MTMR3: variants seen among roughly 807,000 people sequenced by gnomAD.
MTMR3 encodes myotubularin related protein 3, also known as phosphatidylinositol-3,5-bisphosphate 3-phosphatase MTMR3.
In MTMR3, 32 loss-of-function variants were observed where a neutral mutation model predicts 132.4. The observed-to-expected ratio is 0.24, with a 90% CI of 0.18 to 0.32. The LOEUF is 0.32. Among genes scored for constraint, MTMR3 ranks in the 10% least tolerant of loss-of-function variants. MTMR3 has a pLI of 1.00. For synonymous variants in MTMR3, 556 were observed against 550.3 expected (o/e 1.01, Z -0.14); for missense variants, 1,216 against 1,489.6 (o/e 0.82, Z 3.02).
At chr22:30,001,378 G>C (rs987534305) in intron 8 of MTMR3, 1 of 152,426 alleles carries the variant, frequency 6.6e-6, no homozygotes. Context: ...GCGACAGAGC[G>C]AGACTCCATC....
rs1007438238 is a variant in MTMR3 at position 30,007,449 on chromosome 22, G to A, written c.877+130G>A. The A allele has an allele frequency of 3.9e-5, 35 of 905,464 alleles. No homozygotes were observed. In the African/African-American group the frequency reaches 4.3e-4, roughly 11 times the overall value. 56.1% of individuals were successfully genotyped at this position (905,464 alleles called of 1,614,324 possible). ...GAATGTGCAGAGCTTCACTTGATGG[G>A]ATTGATTGAGGAGTCATGGGTCTTG... is the stretch of plus-strand genomic sequence containing the variant. On this transcript the variant is annotated intron_variant, in intron 10 of 19. Transcript: ENST00000401950.
At chr22:29,961,721 C>G (rs764382814) in intron 2 of MTMR3, among the ~76,000 whole-genome samples, 41 of 152,144 alleles carry the variant, frequency 2.7e-4, no homozygotes, top group Non-Finnish European at 5.3e-4. Flanking sequence ...CAGTAATGTC[C>G]TAGGCCTTCA....
chr22:30,018,810 A>G (rs2067667975), intron 16 of MTMR3: 1 of 152,236 alleles, frequency 6.6e-6, no homozygotes, highest in Non-Finnish European at 1.5e-5. Flanking sequence ...AGACTGATAG[A>G]TAATACATTA....
At chr22:29,888,768 C>CTTTTTTTTTTTTTTTTTTTTTTTTTTT (rs3049983) in intron 1 of MTMR3, among the ~76,000 whole-genome samples, 2 of 101,880 alleles carry the variant, frequency 2.0e-5, no homozygotes, top group Non-Finnish European at 3.8e-5. Context: ...TTAGTTAATA[C>CTTTTTTTTTTTTTTTTTTTTTTTTTTT]TTTTTTTTTT....
chr22:29,911,758 T>G (rs2065217989), intron 1 of MTMR3, among the ~76,000 whole-genome samples: 1 of 152,206 alleles, frequency 6.6e-6, no homozygotes, highest in Middle Eastern at 3.4e-3. Flanking sequence ...TCAGGATCAG[T>G]GGAGTGAAAA....
intron 1 of MTMR3, among the ~76,000 whole-genome samples, chr22:29,890,373 CG>C (rs2064772458): frequency 6.6e-6 from 1 of 150,676 alleles, no homozygotes; most frequent in African/African-American, 2.4e-5. Flanking sequence ...AAAAATCAGT[CG>C]GGTGTGGTGG....
chr22:29,992,769 T>G (rs737909), intron 7 of MTMR3: 111,833 of 152,128 alleles, frequency 0.74, 41,265 homozygotes, highest in East Asian at 0.91. Flanking sequence ...TGCTATGCTT[T>G]TGTTACTTTG....
At chr22:29,939,621 A>AC (rs1163059864) in intron 1 of MTMR3, among the ~76,000 whole-genome samples, 1 of 152,202 alleles carries the variant, frequency 6.6e-6, no homozygotes, top group South Asian at 2.1e-4. Context: ...GACCTTAGTG[A>AC]CTTTCTATAT....
intron 17 of MTMR3, chr22:30,021,188 TGAAC>T: frequency 5.1e-6 from 2 of 393,768 alleles, no homozygotes; most frequent in Non-Finnish European, 9.3e-6. Context: ...CAGAAGGGCT[TGAAC>T]CCATGGGCAG....
chr22:29,907,018 A>C (rs574105169), intron 1 of MTMR3, among the ~76,000 whole-genome samples: 1 of 152,126 alleles, frequency 6.6e-6, no homozygotes, highest in Admixed American at 6.5e-5. Context: ...CGGAGGTTGC[A>C]GTGAGCTGAG....
At chr22:29,962,716 T>C (rs1381043948) in intron 2 of MTMR3, among the ~76,000 whole-genome samples, 2 of 152,098 alleles carry the variant, frequency 1.3e-5, no homozygotes, top group Non-Finnish European at 2.9e-5. Context: ...TCAACCTCTC[T>C]TACCGTCGGT....
chr22:29,894,486 C>T (rs748531844), intron 1 of MTMR3, among the ~76,000 whole-genome samples: 2 of 147,578 alleles, frequency 1.4e-5, no homozygotes, highest in Non-Finnish European at 3.0e-5. Context: ...TCAGCCCGAA[C>T]TCCCAAGTTC....
intron 1 of MTMR3, among the ~76,000 whole-genome samples, chr22:29,942,020 A>G (rs934306248): frequency 6.6e-6 from 1 of 152,136 alleles, no homozygotes; most frequent in Non-Finnish European, 1.5e-5. Context: ...GGTATTTTCT[A>G]TCTTGAATGC....
At chr22:29,935,701 G>A (rs904473068) in intron 1 of MTMR3, among the ~76,000 whole-genome samples, 3 of 151,120 alleles carry the variant, frequency 2.0e-5, no homozygotes, top group East Asian at 3.9e-4. Flanking sequence ...TATCTGATGC[G>A]GTTTACTGTC....
At chr22:29,921,053 T>A (rs145510100) in intron 1 of MTMR3, among the ~76,000 whole-genome samples, 26 of 152,140 alleles carry the variant, frequency 1.7e-4, no homozygotes, top group African/African-American at 5.3e-4. Context: ...CTTTGGGGAA[T>A]GTGTTTGTTT....
chr22:30,021,954 C>T (rs545906128), intron 17 of MTMR3, 75 bp from the exon 18 acceptor site: 1 of 1,225,122 alleles, frequency 8.2e-7, no homozygotes, highest in South Asian at 1.2e-5. Flanking sequence ...TCAGTTCTCC[C>T]TTCTTCACCA....
rs148952068 is a variant in MTMR3 at position 30,013,308 on chromosome 22, G to T, written c.1318-48G>T. 3.8e-4 allele frequency: 600 copies of T among 1,593,144 alleles called. 4 individuals are homozygous for T. In the African/African-American group the frequency reaches 7.1e-3, roughly 19 times the overall value. ...TGACACCAGGCTTAGGACTGTCACA[G>T]TCTGGATAGTCTAGCACAAATGGTC... is the stretch of plus-strand genomic sequence containing the variant. On this transcript the variant is annotated intron_variant, in intron 13 of 19. Transcript: ENST00000401950.
At chr22:30,005,514 T>A (rs2067256589) in intron 9 of MTMR3, 1 of 152,192 alleles carries the variant, frequency 6.6e-6, no homozygotes, top group South Asian at 2.1e-4. Context: ...TTGGAGTCAT[T>A]CAGCTCAGTG....
At chr22:30,025,464 C>T (rs2145990677) in intron 19 of MTMR3, 166 bp from the exon 20 acceptor site, 1 of 670,478 alleles carries the variant, frequency 1.5e-6, no homozygotes, top group Admixed American at 2.7e-5. Context: ...GGTAGGGACA[C>T]CCTCCCTACC....
Sources: allele counts gnomAD v4.1 joint callset (sites outside exome capture counted in the v4.1 genomes callset), GRCh38; gene constraint gnomAD v4.1.1; transcripts MANE v1.5; gene names NCBI Gene and HGNC (gene_info 2026-07-23, HGNC 2026-07-21).